Variants in LRP1B observed in about 807,000 individuals in gnomAD.
LRP1B encodes the protein low-density lipoprotein receptor-related protein 1B.
LRP1B carries 217 observed loss-of-function variants against 556.6 expected under a neutral mutation model. The ratio of observed to expected loss-of-function variants is 0.39; its 90% confidence interval spans 0.35 to 0.44. LRP1B has a LOEUF of 0.44. Among genes scored for constraint, LRP1B ranks in the 20% least tolerant of loss-of-function variants. The pLI is 1.00. For synonymous variants in LRP1B, 2,047 were observed against 1,865.8 expected, an observed-to-expected ratio of 1.10 and a Z score of -2.50; for missense variants, 5,053 against 5,620.8, an observed-to-expected ratio of 0.90 and a Z score of 3.23.
At chr2:141,604,126 C>T (rs1037810301) in intron 2 of LRP1B, among the ~76,000 whole-genome samples, 8 of 152,078 alleles carry the variant, frequency 5.3e-5, no homozygotes, top group Admixed American at 2.0e-4. Flanking sequence ...GATGGATGGT[C>T]GATAGATGGT....
intron 1 of LRP1B, among the ~76,000 whole-genome samples, chr2:141,938,142 G>T (rs930485046): frequency 6.6e-6 from 1 of 151,848 alleles, no homozygotes; most frequent in Non-Finnish European, 1.5e-5. Context: ...CCTACCGAAG[G>T]AAACAATCAA....
In LRP1B at chr2:140,323,979, A is replaced by C. The variant is rs533971076; in HGVS notation, c.12428T>G (p.Phe4143Cys). The C allele has an allele frequency of 1.6e-5, 26 of 1,608,490 alleles. 1 individual carries two copies. In the South Asian group the frequency reaches 2.9e-4, roughly 18 times the overall value. ...TAAGTACTCTACTGAACCATGGCCA[A>C]ATTTTTGAACTCGAAATACACCATT... ...PKNGVFRVQK[F>C]GHGSVEYLAL... Residue 4143 changes from phenylalanine to cysteine, a missense_variant, in exon 81 of 91, where the codon TTT (phenylalanine) becomes TGT (cysteine). By Grantham distance (205) the Phe-to-Cys change is radical. Around this residue, in one of 5 missense-constraint regions of LRP1B, gnomAD observed 551 missense variants for 592.0 expected, o/e 0.93. Transcript: ENST00000389484.
chr2:141,002,805 C>G (rs1417492683), intron 15 of LRP1B, among the ~76,000 whole-genome samples: 1 of 151,882 alleles, frequency 6.6e-6, no homozygotes, highest in Middle Eastern at 3.2e-3. Context: ...AGTAGTGAAA[C>G]AGTGATCTAG....
intron 1 of LRP1B, among the ~76,000 whole-genome samples, chr2:142,013,338 A>G (rs1229235535): frequency 6.6e-6 from 1 of 152,226 alleles, no homozygotes; most frequent in Non-Finnish European, 1.5e-5. Context: ...GGAGCAGAGT[A>G]GTATCGGAAG....
intron 2 of LRP1B, among the ~76,000 whole-genome samples, chr2:141,494,855 G>A (rs562730110): frequency 6.7e-6 from 1 of 150,064 alleles, no homozygotes; most frequent in African/African-American, 2.5e-5. Flanking sequence ...CACACACACA[G>A]AGTTGTAGCA....
chr2:140,411,158 GAT>G (rs1684954884), intron 66 of LRP1B, among the ~76,000 whole-genome samples: 1 of 151,998 alleles, frequency 6.6e-6, no homozygotes, highest in South Asian at 2.1e-4. Flanking sequence ...CTTGTACCTT[GAT>G]AAAAACTATT....
chr2:140,310,652 A>T (rs562589455), intron 83 of LRP1B, among the ~76,000 whole-genome samples: 2 of 151,880 alleles, frequency 1.3e-5, no homozygotes, highest in South Asian at 4.1e-4. Flanking sequence ...TGTGGAAAGG[A>T]CATCCTATTC....
At chr2:141,293,110 A>T (rs1686040828) in intron 3 of LRP1B, among the ~76,000 whole-genome samples, 1 of 152,210 alleles carries the variant, frequency 6.6e-6, no homozygotes, top group Non-Finnish European at 1.5e-5. Context: ...CTAATTTCGA[A>T]TGTAGAATTT....
intron 6 of LRP1B, among the ~76,000 whole-genome samples, chr2:141,204,252 G>A (rs78692157): frequency 0.042 from 6,377 of 152,206 alleles, 154 homozygotes; most frequent in South Asian, 0.1. Flanking sequence ...TTTGATTGCT[G>A]TTTTTTCAAG....
intron 35 of LRP1B, among the ~76,000 whole-genome samples, chr2:140,732,144 G>T (rs1573636329): frequency 1.3e-5 from 2 of 151,768 alleles, no homozygotes; most frequent in East Asian, 3.9e-4. Context: ...CTGGTGATGG[G>T]TACGTGGGAG....
At chr2:142,120,897 T>C (rs1274549987) in intron 1 of LRP1B, among the ~76,000 whole-genome samples, 1 of 152,144 alleles carries the variant, frequency 6.6e-6, no homozygotes, top group Non-Finnish European at 1.5e-5. Context: ...AACAATATTG[T>C]AGGGCCCACA....
At chr2:140,367,541 T>G (rs76079692) in intron 71 of LRP1B, among the ~76,000 whole-genome samples, 1 of 151,764 alleles carries the variant, frequency 6.6e-6, no homozygotes, top group Non-Finnish European at 1.5e-5. Flanking sequence ...AGCTCCATAC[T>G]GCTGTATTTA....
chr2:140,958,574 T>G (rs934246550), intron 18 of LRP1B, among the ~76,000 whole-genome samples: 1 of 151,638 alleles, frequency 6.6e-6, no homozygotes, highest in African/African-American at 2.4e-5. Flanking sequence ...CTAATAGTTG[T>G]TAAAACAGGA....
chr2:141,051,285 C>T (rs913301241), intron 10 of LRP1B, among the ~76,000 whole-genome samples: 3 of 151,906 alleles, frequency 2.0e-5, no homozygotes, highest in African/African-American at 7.3e-5. Context: ...GGCTATATAC[C>T]CAAAGGATTA....
chr2:141,982,705 C>A (rs1011361374), intron 1 of LRP1B, among the ~76,000 whole-genome samples: 4 of 152,120 alleles, frequency 2.6e-5, no homozygotes, highest in African/African-American at 9.7e-5. Context: ...TTTGAACAAT[C>A]ATAAGAACTT....
chr2:141,087,097 G>A (rs1229891918), intron 7 of LRP1B, among the ~76,000 whole-genome samples: 1 of 152,118 alleles, frequency 6.6e-6, no homozygotes, highest in Non-Finnish European at 1.5e-5. Flanking sequence ...ATAGAATGTG[G>A]ACTAGAGTTG....
intron 43 of LRP1B, among the ~76,000 whole-genome samples, chr2:140,584,212 G>C (rs974736280): frequency 2.0e-5 from 3 of 151,948 alleles, no homozygotes; most frequent in African/African-American, 7.2e-5. Flanking sequence ...ATTCAGAGAA[G>C]AGAAAAATTA....
Position 140,647,329 on chromosome 2 carries a change from C to T in LRP1B, c.6800-45690G>A, listed in dbSNP as rs150981959. Among the ~76,000 whole-genome samples, 471 of 152,252 alleles carry T rather than the reference C, an allele frequency of 3.1e-3. 2 individuals are homozygous for T. Among genetic ancestry groups the T allele is most frequent in the African/African-American group, 0.011 (457 of 41,540 alleles). On this transcript the variant is annotated intron_variant, in intron 41 of 90. Transcript: ENST00000389484. ...CTTTATGCTTTACATCATCAGTGAA[C>T]CATTGCACTGCACTTCAAATTGTCT...
chr2:140,919,422 A>C (rs542474094), intron 21 of LRP1B, among the ~76,000 whole-genome samples: 1 of 152,136 alleles, frequency 6.6e-6, no homozygotes, highest in South Asian at 2.1e-4. Flanking sequence ...CTCTTTAGGC[A>C]CATGACTTCA....
Sources: gnomAD v4.1 joint callset for allele counts (sites outside exome capture counted in the v4.1 genomes callset) on GRCh38, gnomAD v4.1.1 for gene constraint, gnomAD v4.1.1 regional missense constraint, MANE v1.5 for transcripts, NCBI Gene and HGNC (gene_info 2026-07-23, HGNC 2026-07-21) for gene names.